Variants in CEACAM21 observed in about 807,000 individuals in gnomAD.
CEACAM21 encodes CEA cell adhesion molecule 21.
Under a neutral mutation model 33.2 loss-of-function variants are expected in CEACAM21, and 38 were observed. That is an observed-to-expected ratio of 1.14 (90% confidence interval 0.88 to 1.50). The LOEUF is 1.50. Among genes scored for constraint, CEACAM21 ranks in the 40% most tolerant of loss-of-function variants. The pLI is 0.00. For missense variants in CEACAM21, 385 were observed against 364.6 expected (o/e 1.06, Z -0.46); for synonymous variants, 156 against 143.0 (o/e 1.09, Z -0.65).
intron 2 of CEACAM21, among the ~76,000 whole-genome samples, chr19:41,570,749 C>A (rs929376882): frequency 1.3e-5 from 2 of 152,158 alleles, no homozygotes; most frequent in Non-Finnish European, 2.9e-5. Flanking sequence ...TAAAAGCAGC[C>A]ACATTTGTCT....
At position 41,579,412 on chromosome 19, in the gene CEACAM21, G is replaced by T. The variant is rs781900469; in HGVS notation, c.484G>T (p.Val162Leu). Residue 162 changes from valine to leucine, a missense_variant, in exon 3 of 7, where the codon GTG (valine) becomes TTG (leucine). By Grantham distance (32) the Val-to-Leu change is conservative. Coordinates refer to ENST00000401445, the MANE Select transcript of CEACAM21 (RefSeq NM_001098506.4). ...SSTTVTEKGS[V>L]VLTCHTNNTG... ...CACCACAGTCACAGAGAAGGGCTCCGTGGTCCTGACCTGCCACACAAATAA... is the reference window on the plus strand; with the variant it reads ...CACCACAGTCACAGAGAAGGGCTCCTTGGTCCTGACCTGCCACACAAATAA... 1.9e-6 allele frequency: 3 copies of T among 1,613,910 alleles called. No homozygotes were observed. In the East Asian group the frequency reaches 6.7e-5, roughly 36 times the overall value.
upstream of CEACAM21, among the ~76,000 whole-genome samples, chr19:41,573,395 C>T (rs1482150664): frequency 6.6e-6 from 1 of 152,158 alleles, no homozygotes. Context: ...GTCAGGCCTT[C>T]CAGATGCCAC....
chr19:41,567,852 T>C (rs1195678504), intron 2 of CEACAM21, among the ~76,000 whole-genome samples: 3 of 147,884 alleles, frequency 2.0e-5, no homozygotes, highest in Non-Finnish European at 3.0e-5. Context: ...TGTTAATCAA[T>C]AGTGAGGATT....
intron 2 of CEACAM21, among the ~76,000 whole-genome samples, chr19:41,569,392 T>C (rs1437298416): frequency 1.3e-5 from 2 of 152,106 alleles, no homozygotes; most frequent in Non-Finnish European, 2.9e-5. Context: ...TTTTGTCTTT[T>C]TGTAGAGACA....
Position 41,586,669 on chromosome 19 carries a change from TG to T in CEACAM21, c.*211del. On this transcript the variant is annotated 3_prime_UTR_variant, in exon 7 of 7. Coordinates refer to ENST00000401445, the MANE Select transcript of CEACAM21 (RefSeq NM_001098506.4). ...ACACAGGCCTGGGGACAGGAAGGGATGGGGGTCCCTGCTGAATATATAGAGA... is the reference window on the plus strand; with the variant it reads ...ACACAGGCCTGGGGACAGGAAGGGATGGGGTCCCTGCTGAATATATAGAGA... 1 of 466,412 alleles carries T rather than the reference TG, an allele frequency of 2.1e-6. No individual in the cohort carries two copies. The highest frequency in any genetic ancestry group is 4.1e-6 in the Non-Finnish European group (1 of 245,242). The allele number at this position is 466,412 out of a possible 1,614,324, so 28.9% of individuals were successfully genotyped here.
rs190405252 is a variant in CEACAM21, at chr19:41,582,027, C to T, written c.701-2320C>T. On this transcript the variant is annotated intron_variant, in intron 3 of 6. Transcript: ENST00000401445. ...AGGCAAGTCCCTTCCACCTATAAGC[C>T]TGTAAAATCAAAAGCAAGCTTAGTT... Among the ~76,000 whole-genome samples the T allele has an allele frequency of 7.9e-5, 12 of 152,308 alleles. No homozygotes were observed. In the East Asian group the frequency reaches 2.3e-3, roughly 29 times the overall value.
intron 3 of CEACAM21, among the ~76,000 whole-genome samples, chr19:41,580,425 C>T (rs1441212464): frequency 6.6e-6 from 1 of 152,160 alleles, no homozygotes; most frequent in African/African-American, 2.4e-5. Context: ...GCAGAGGGCT[C>T]AGTCCCACAA....
chr19:41,552,644 T>C (rs1208588078), intron 1 of CEACAM21, among the ~76,000 whole-genome samples: 2 of 152,222 alleles, frequency 1.3e-5, no homozygotes, highest in Non-Finnish European at 2.9e-5. Flanking sequence ...ATCACAAGAA[T>C]CATAGGGAGA....
At chr19:41,554,075 A>G (rs947197739) in intron 1 of CEACAM21, among the ~76,000 whole-genome samples, 8 of 152,078 alleles carry the variant, frequency 5.3e-5, no homozygotes, top group Non-Finnish European at 1.5e-5. Context: ...AAAGCAAAAC[A>G]AAGGATCAGC....
At chr19:41,583,192 C>G (rs536584965) in intron 3 of CEACAM21, among the ~76,000 whole-genome samples, 6 of 152,276 alleles carry the variant, frequency 3.9e-5, no homozygotes, top group African/African-American at 1.4e-4. Context: ...GGGCAAAATA[C>G]CACCAATCTC....
chr19:41,559,979 G>C (rs140276040), intron 1 of CEACAM21, among the ~76,000 whole-genome samples: 22 of 152,224 alleles, frequency 1.4e-4, no homozygotes, highest in Middle Eastern at 3.4e-3. Context: ...GCAATACAGA[G>C]AGACTTCCTC....
At position 41,567,074 on chromosome 19, in the gene CEACAM21, T is replaced by C. The variant is rs569476664; in HGVS notation, c.-404+2018T>C. On this transcript the variant is annotated intron_variant, in intron 2 of 7. Transcript: ENST00000407170. ...TCTCTCTCTCTCTCTCATAATGTTA[T>C]GGTTTAGATAGGAATGGTCCAGGGT... is the stretch of plus-strand genomic sequence containing the variant. Among the ~76,000 whole-genome samples, 991 of 152,278 alleles carry C rather than the reference T, an allele frequency of 6.5e-3. 13 individuals carry two copies. Among genetic ancestry groups the C allele is most frequent in the African/African-American group, 0.023 (946 of 41,546 alleles).
At chr19:41,576,150 T>G, upstream of CEACAM21, 2 of 1,163,392 alleles carry the variant, frequency 1.7e-6, no homozygotes, top group South Asian at 2.7e-5. Flanking sequence ...TGCTCCTGCC[T>G]GAGAGGAAGC....
At chr19:41,579,238 C>G (rs2043182106) in intron 2 of CEACAM21, 115 bp from the exon 3 acceptor site, 2 of 1,556,614 alleles carry the variant, frequency 1.3e-6, no homozygotes, top group Non-Finnish European at 1.8e-6. Context: ...CTCTGCTCCT[C>G]CCTGTCCTTC....
chr19:41,569,047 G>C (rs146727552), intron 2 of CEACAM21, among the ~76,000 whole-genome samples: 2 of 152,048 alleles, frequency 1.3e-5, no homozygotes, highest in African/African-American at 2.4e-5. Flanking sequence ...TTTTGTTTCA[G>C]CTATCATAAA....
chr19:41,584,527 G>T, intron 4 of CEACAM21, 84 bp downstream of exon 4: 1 of 1,258,444 alleles, frequency 7.9e-7, no homozygotes, highest in Non-Finnish European at 1.1e-6. Flanking sequence ...TGTATTCAGT[G>T]CCAGGCTCTC....
At chr19:41,566,449 C>T (rs1248784417) in intron 2 of CEACAM21, among the ~76,000 whole-genome samples, 5 of 152,142 alleles carry the variant, frequency 3.3e-5, no homozygotes, top group African/African-American at 1.2e-4. Flanking sequence ...GCGTTTTTCT[C>T]CTTTAGTCTG....
intron 1 of CEACAM21, among the ~76,000 whole-genome samples, chr19:41,563,239 CTTG>C (rs1281147728): frequency 6.6e-6 from 1 of 152,084 alleles, no homozygotes; most frequent in African/African-American, 2.4e-5. Flanking sequence ...TGAAGATAGT[CTTG>C]TTGTTTTCAC....
chr19:41,551,025 C>T (rs1555784073), intron 1 of CEACAM21, among the ~76,000 whole-genome samples: 1 of 152,152 alleles, frequency 6.6e-6, no homozygotes, highest in African/African-American at 2.4e-5. Flanking sequence ...CTCAGCAATG[C>T]CCATGGGGCA....
Sources: allele counts gnomAD v4.1 joint callset (sites outside exome capture counted in the v4.1 genomes callset), GRCh38; gene constraint gnomAD v4.1.1; transcripts MANE v1.5; gene names NCBI Gene and HGNC (gene_info 2026-07-23, HGNC 2026-07-21).